NCKAP5: variants seen among roughly 807,000 people sequenced by gnomAD.
NCKAP5 encodes the protein nck-associated protein 5.
NCKAP5 carries 92 observed loss-of-function variants against 167.0 expected under a neutral mutation model. That is an observed-to-expected ratio of 0.55 (90% confidence interval 0.47 to 0.66). The LOEUF (loss-of-function observed/expected upper bound fraction) is 0.66. Ranked by LOEUF, NCKAP5 falls within the 30% of genes least tolerant of loss-of-function variation. The pLI is 0.00. For missense variants in NCKAP5, 2,378 were observed against 2,315.0 expected, an observed-to-expected ratio of 1.03 and a Z score of -0.56; for synonymous variants, 891 against 877.4, an observed-to-expected ratio of 1.02 and a Z score of -0.27.
rs549163518 is a variant in NCKAP5 at position 132,783,118 on chromosome 2, C to G, written c.3693G>C (p.Glu1231Asp). 6.2e-7 allele frequency: 1 copy of G among 1,613,708 alleles called. No homozygotes were observed. The highest frequency in any genetic ancestry group is 1.1e-5 in the South Asian group (1 of 91,034). The change falls in exon 14 of 20, where the codon GAG becomes GAC. Residue 1231 changes from glutamate (E) to aspartate (D), a missense_variant. Glu to Asp is a conservative substitution (Grantham distance 45, BLOSUM62 2). Transcript: ENST00000409261. ...DGLPLETALQ[E>D]PLESSIPGSD... ...TCCCAGGGATGCTACTTTCCAATGG[C>G]TCTTGTAGTGCTGTTTCCAGGGGAA...
intron 16 of NCKAP5, among the ~76,000 whole-genome samples, chr2:132,744,542 C>G (rs1679480642): frequency 6.6e-6 from 1 of 151,096 alleles, no homozygotes; most frequent in Non-Finnish European, 1.5e-5. Flanking sequence ...AATAAGTGCT[C>G]TGAGACTTCA....
At chr2:133,550,982 T>C (rs1687243542) in intron 2 of NCKAP5, among the ~76,000 whole-genome samples, 2 of 152,024 alleles carry the variant, frequency 1.3e-5, no homozygotes, top group Non-Finnish European at 2.9e-5. Context: ...CATGAGTGAA[T>C]TCCCATTCAC....
chr2:133,225,260 G>A (rs6735051), intron 4 of NCKAP5, among the ~76,000 whole-genome samples: 59,129 of 151,678 alleles, frequency 0.39, 11,763 homozygotes, highest in Admixed American at 0.43. Flanking sequence ...TGCTAATCAA[G>A]CATGCTAATC....
At chr2:132,953,031 T>C (rs372329026) in intron 8 of NCKAP5, among the ~76,000 whole-genome samples, 9 of 152,332 alleles carry the variant, frequency 5.9e-5, no homozygotes, top group African/African-American at 2.2e-4. Context: ...ACATAGATGT[T>C]GTTAGCTCTT....
At chr2:132,920,767 G>GTA (rs1291538755) in intron 8 of NCKAP5, among the ~76,000 whole-genome samples, 1 of 31,246 alleles carries the variant, frequency 3.2e-5, no homozygotes, top group African/African-American at 1.2e-4. Context: ...GTATATATAT[G>GTA]TATGTATATA....
chr2:132,725,528 T>C, intron 19 of NCKAP5, 99 bp downstream of exon 19: 1 of 1,394,150 alleles, frequency 7.2e-7, no homozygotes, highest in Admixed American at 3.1e-5. Context: ...AGAAAAAACA[T>C]AAAATCAAAG....
At chr2:133,258,833 G>A (rs1230462959) in intron 4 of NCKAP5, among the ~76,000 whole-genome samples, 1 of 151,936 alleles carries the variant, frequency 6.6e-6, no homozygotes, top group East Asian at 1.9e-4. Context: ...AATTCTTAGA[G>A]AGAACTTCTG....
At chr2:133,338,609 T>G (rs1683369779) in intron 3 of NCKAP5, among the ~76,000 whole-genome samples, 1 of 152,192 alleles carries the variant, frequency 6.6e-6, no homozygotes, top group Admixed American at 6.5e-5. Flanking sequence ...GCCTGTTATA[T>G]GGTGTTATCA....
intron 4 of NCKAP5, among the ~76,000 whole-genome samples, chr2:133,263,354 C>T (rs1395219976): frequency 6.6e-6 from 1 of 151,612 alleles, no homozygotes; most frequent in Non-Finnish European, 1.5e-5. Context: ...CAATAAAAAG[C>T]TCCCTTGGGC....
chr2:133,163,724 C>T (rs1003262795), intron 5 of NCKAP5, among the ~76,000 whole-genome samples: 1 of 151,128 alleles, frequency 6.6e-6, no homozygotes, highest in African/African-American at 2.5e-5. Context: ...TCCATGTTCC[C>T]GTTGACTTCT....
chr2:133,516,292 C>T (rs1683986029), intron 3 of NCKAP5, among the ~76,000 whole-genome samples: 1 of 152,174 alleles, frequency 6.6e-6, no homozygotes, highest in South Asian at 2.1e-4. Context: ...CCCAGACACA[C>T]TCACACACCA....
chr2:133,144,701 T>C (rs2083122109), intron 5 of NCKAP5, among the ~76,000 whole-genome samples: 1 of 152,146 alleles, frequency 6.6e-6, no homozygotes. Flanking sequence ...CCCTGTGTGA[T>C]TACGTCTCTG....
chr2:133,590,631 AAGT>A, the NCKAP5 span, among the ~76,000 whole-genome samples: 4 of 151,996 alleles, frequency 2.6e-5, no homozygotes, highest in East Asian at 7.7e-4. Flanking sequence ...AGCAAAAGAA[AAGT>A]AGAAATTCCC....
At chr2:132,802,247 G>T (rs1456559570) in intron 11 of NCKAP5, among the ~76,000 whole-genome samples, 1 of 152,114 alleles carries the variant, frequency 6.6e-6, no homozygotes, top group Admixed American at 6.5e-5. Context: ...CTGTCACCTT[G>T]GCTAGCTGCT....
intron 11 of NCKAP5, among the ~76,000 whole-genome samples, chr2:132,831,444 G>A (rs1342474623): frequency 6.6e-6 from 1 of 152,070 alleles, no homozygotes; most frequent in Non-Finnish European, 1.5e-5. Flanking sequence ...TAAAATATTT[G>A]TCAACCAACA....
intron 1 of NCKAP5, among the ~76,000 whole-genome samples, chr2:133,566,259 G>T (rs921818795): frequency 6.6e-6 from 1 of 152,090 alleles, no homozygotes; most frequent in African/African-American, 2.4e-5. Context: ...AAGAGGAAAA[G>T]CAAAGCAAGC....
Position 132,764,322 on chromosome 2 carries a change from G to T in NCKAP5, c.5128+9494C>A, listed in dbSNP as rs1435503715. ...TGAATATTATTATTTTCAGTCCTTG[G>T]TCAGAAGATATCACATGGTCCTGTT... is the stretch of plus-strand genomic sequence containing the variant. On this transcript the variant is annotated intron_variant, in intron 16 of 19. Coordinates refer to ENST00000409261, the MANE Select transcript of NCKAP5 (RefSeq NM_207363.3). 2.6e-5 allele frequency among the ~76,000 whole-genome samples: 4 copies of T among 152,274 alleles called. No homozygotes were observed. The South Asian group carries it at 8.3e-4, about 32-fold the overall frequency.
chr2:133,669,343 C>T, the NCKAP5 span, among the ~76,000 whole-genome samples: 5 of 152,042 alleles, frequency 3.3e-5, no homozygotes, highest in Admixed American at 2.0e-4. Flanking sequence ...TCAGTGCTTT[C>T]TTGCTTTTTT....
intron 5 of NCKAP5, among the ~76,000 whole-genome samples, chr2:133,156,690 C>T (rs192714519): frequency 3.3e-5 from 5 of 152,182 alleles, no homozygotes; most frequent in East Asian, 1.9e-4. Flanking sequence ...TATTTGTGAC[C>T]GGGATAATTG....
Sources: allele counts gnomAD v4.1 joint callset (sites outside exome capture counted in the v4.1 genomes callset), GRCh38; gene constraint gnomAD v4.1.1; transcripts MANE v1.5; gene names NCBI Gene and HGNC (gene_info 2026-07-23, HGNC 2026-07-21).